The following TMEM114 variants were observed in gnomAD, a reference collection of about 807,000 sequenced individuals.
TMEM114 encodes the protein transmembrane protein 114.
TMEM114 carries 6 observed loss-of-function variants against 6.2 expected under a neutral mutation model. The observed-to-expected ratio is 0.97, with a 90% CI of 0.53 to 1.91. The LOEUF (loss-of-function observed/expected upper bound fraction) is 1.91. Ranked by LOEUF, TMEM114 falls within the 40% of genes most tolerant of loss-of-function variation. The pLI is 0.01. For synonymous variants in TMEM114, 104 were observed against 73.0 expected, an observed-to-expected ratio of 1.42 and a Z score of -2.16; for missense variants, 218 against 158.3, an observed-to-expected ratio of 1.38 and a Z score of -2.02.
chr16:8,568,698 C>G (rs567585836), downstream of TMEM114, among the ~76,000 whole-genome samples: 1 of 152,342 alleles, frequency 6.6e-6, no homozygotes, highest in African/African-American at 2.4e-5. Flanking sequence ...AAAGGCTCCT[C>G]GGGCCCTCCC....
chr16:8,532,041 G>C, the TMEM114 span: 2 of 152,186 alleles, frequency 1.3e-5, no homozygotes, highest in Admixed American at 1.3e-4. Context: ...GAGGTGGATT[G>C]CTTATGGAAG....
At position 8,570,011 on chromosome 16, in the gene TMEM114, G is replaced by C; in HGVS notation, c.440-6C>G. 1.3e-6 allele frequency: 2 copies of C among 1,547,356 alleles called. No homozygotes were observed. The highest frequency in any genetic ancestry group is 1.7e-6 in the Non-Finnish European group (2 of 1,144,324). On this transcript the variant is annotated splice_region_variant and splice_polypyrimidine_tract_variant and intron_variant, in intron 3 of 3. Coordinates refer to ENST00000620492, the MANE Select transcript of TMEM114 (RefSeq NM_001146336.2). ...CCCAGCGAGGGTCACCATGGCTGCAGGGAGGGCAAAGGGAGAGCAGATCAA... is the reference window on the plus strand; with the variant it reads ...CCCAGCGAGGGTCACCATGGCTGCACGGAGGGCAAAGGGAGAGCAGATCAA...
chr16:8,539,408 A>T (rs576744701), intron 2 of TMEM114, among the ~76,000 whole-genome samples: 78 of 152,200 alleles, frequency 5.1e-4, no homozygotes, highest in Non-Finnish European at 9.1e-4. Context: ...TGACTGCTCC[A>T]GCTCCGCAAA....
Position 8,589,833 on chromosome 16 carries a change from C to T in TMEM114, c.6G>A (p.Arg2=). 2.5e-6 allele frequency: 1 copy of T among 398,092 alleles called. No individual in the cohort carries two copies. The highest frequency in any genetic ancestry group is 4.4e-6 in the Non-Finnish European group (1 of 225,734). The allele number at this position is 398,092 out of a possible 1,614,324, so 24.7% of individuals were successfully genotyped here. The change falls in exon 1 of 4, where the codon CGG becomes CGA. Residue 2 remains arginine, a synonymous_variant. Coordinates refer to ENST00000620492, the MANE Select transcript of TMEM114 (RefSeq NM_001146336.2). M[R]VHLGGLAGAA... ...CGCCGGCCAGCCCGCCCAGGTGCAC[C>T]CGCATCGCCGAGCCCAGGACCAGCA...
At chr16:8,539,936 G>A (rs1900469803) in intron 2 of TMEM114, among the ~76,000 whole-genome samples, 1 of 152,078 alleles carries the variant, frequency 6.6e-6, no homozygotes, top group Non-Finnish European at 1.5e-5. Flanking sequence ...TCCTGCCTCA[G>A]CCTCTGGAAT....
At chr16:8,562,593 T>TGAGG (rs1567202353) in intron 2 of TMEM114, among the ~76,000 whole-genome samples, 8 of 130,016 alleles carry the variant, frequency 6.2e-5, no homozygotes, top group Non-Finnish European at 1.0e-4. Flanking sequence ...AATAAGTAAG[T>TGAGG]GAATGAGTGA....
At chr16:8,560,755 C>A (rs992873105) in intron 2 of TMEM114, among the ~76,000 whole-genome samples, 1 of 152,150 alleles carries the variant, frequency 6.6e-6, no homozygotes, top group Non-Finnish European at 1.5e-5. Flanking sequence ...TGTCTGGGAT[C>A]CCCCATCAGC....
downstream of TMEM114, among the ~76,000 whole-genome samples, chr16:8,536,899 C>G (rs72776580): frequency 0.11 from 17,092 of 152,102 alleles, 1,182 homozygotes; most frequent in Admixed American, 0.18. Flanking sequence ...GTAGGAATCA[C>G]ACATTTTTAC....
intron 2 of TMEM114, among the ~76,000 whole-genome samples, chr16:8,550,638 A>G (rs1422486523): frequency 1.3e-5 from 2 of 151,090 alleles, no homozygotes; most frequent in Non-Finnish European, 2.9e-5. Flanking sequence ...AGATCGCACC[A>G]TTGCTCTCCA....
At chr16:8,542,626 G>A (rs527486774) in intron 2 of TMEM114, among the ~76,000 whole-genome samples, 208 of 152,250 alleles carry the variant, frequency 1.4e-3, no homozygotes, top group Non-Finnish European at 2.6e-3. Context: ...GGTTTGGGGT[G>A]GGGGAGGCCA....
At chr16:8,586,509 C>CT (rs201572145) in intron 2 of TMEM114, among the ~76,000 whole-genome samples, 1,881 of 150,058 alleles carry the variant, frequency 0.013, 43 homozygotes, top group African/African-American at 0.044. Context: ...TCTTATCATT[C>CT]TTTTTTTTTG....
At chr16:8,551,426 T>TA (rs1174667943) in intron 2 of TMEM114, among the ~76,000 whole-genome samples, 1 of 152,140 alleles carries the variant, frequency 6.6e-6, no homozygotes, top group African/African-American at 2.4e-5. Flanking sequence ...CTGTTATAGT[T>TA]AAAAATAATA....
chr16:8,562,317 TGAGG>T (rs1489278481), intron 2 of TMEM114, among the ~76,000 whole-genome samples: 6 of 147,588 alleles, frequency 4.1e-5, no homozygotes, highest in Non-Finnish European at 9.0e-5. Context: ...AATGAGTGAG[TGAGG>T]GAGGGAGGGA....
chr16:8,565,423 G>C (rs1901508190), downstream of TMEM114, among the ~76,000 whole-genome samples: 1 of 152,184 alleles, frequency 6.6e-6, no homozygotes, highest in African/African-American at 2.4e-5. Flanking sequence ...GAGAGAAAGA[G>C]AGCGGCCAGT....
At chr16:8,528,199 A>G in the TMEM114 span, among the ~76,000 whole-genome samples, 10 of 152,092 alleles carry the variant, frequency 6.6e-5, no homozygotes, top group East Asian at 1.7e-3. Flanking sequence ...CCATGCCAGA[A>G]CTAGTTTCCT....
intron 2 of TMEM114, among the ~76,000 whole-genome samples, chr16:8,539,857 A>T (rs1900467859): frequency 1.3e-5 from 2 of 152,122 alleles, no homozygotes; most frequent in African/African-American, 4.8e-5. Context: ...TCGCTCTGCC[A>T]CCCAGGCTGG....
chr16:8,532,262 G>C, the TMEM114 span, among the ~76,000 whole-genome samples: 100 of 152,302 alleles, frequency 6.6e-4, no homozygotes, highest in East Asian at 0.019. Context: ...AACTCCTAGA[G>C]TCAAAAGTCC....
chr16:8,535,428 T>C (rs1356404531), downstream of TMEM114, among the ~76,000 whole-genome samples: 5 of 151,988 alleles, frequency 3.3e-5, no homozygotes, highest in African/African-American at 1.2e-4. Context: ...CTTCTTACAA[T>C]CTTCGCTGAA....
chr16:8,580,081 G>A (rs1465594534), intron 2 of TMEM114, among the ~76,000 whole-genome samples: 6 of 152,162 alleles, frequency 3.9e-5, no homozygotes, highest in African/African-American at 1.4e-4. Context: ...CAGCTGGAGA[G>A]GTGAGCCAGG....
Sources: allele counts gnomAD v4.1 joint callset (sites outside exome capture counted in the v4.1 genomes callset), GRCh38; gene constraint gnomAD v4.1.1; transcripts MANE v1.5; gene names NCBI Gene and HGNC (gene_info 2026-07-23, HGNC 2026-07-21).